Variants in FRMPD4 observed in about 807,000 individuals in gnomAD.
FRMPD4 encodes the protein FERM and PDZ domain-containing protein 4.
Under a neutral mutation model 94.1 loss-of-function variants are expected in FRMPD4, and 22 were observed. The observed-to-expected ratio is 0.23, with a 90% CI of 0.17 to 0.33. The LOEUF is 0.33. FRMPD4 is among the 10% of genes least tolerant of loss of function. The probability of loss-of-function intolerance (pLI) is 1.00; values close to 1 mark genes in which losing one functional copy is unlikely to be tolerated. For synonymous variants in FRMPD4, 631 were observed against 548.6 expected, an observed-to-expected ratio of 1.15 and a Z score of -2.10; for missense variants, 1,111 against 1,339.9, an observed-to-expected ratio of 0.83 and a Z score of 2.67.
intron 3 of FRMPD4, among the ~76,000 whole-genome samples, chrX:11,888,084 A>G (rs894038832): frequency 8.9e-6 from 1 of 112,397 alleles, no homozygotes; most frequent in African/African-American, 3.2e-5. Context: ...TTAACCATTG[A>G]ACTCATTTTA....
At chrX:12,141,431 C>T (rs1400083159) in intron 1 of FRMPD4, among the ~76,000 whole-genome samples, 1 of 111,989 alleles carries the variant, frequency 8.9e-6, no homozygotes, top group Non-Finnish European at 1.9e-5. Flanking sequence ...ACAGAGAATT[C>T]CAAGAGAATA....
chrX:12,702,314 T>C (rs2041800596), intron 10 of FRMPD4, among the ~76,000 whole-genome samples: 1 of 112,456 alleles, frequency 8.9e-6, no homozygotes, highest in Non-Finnish European at 1.9e-5. Context: ...ATTTGTTTAA[T>C]TCTCACAACA....
chrX:12,597,887 T>C (rs989583494), intron 2 of FRMPD4, among the ~76,000 whole-genome samples: 2 of 112,403 alleles, frequency 1.8e-5, no homozygotes, highest in African/African-American at 6.5e-5. Context: ...ACAAAGAGAA[T>C]GTCTCAGTTG....
At chrX:12,329,055 T>G (rs1232742096) in intron 1 of FRMPD4, among the ~76,000 whole-genome samples, 1 of 112,578 alleles carries the variant, frequency 8.9e-6, no homozygotes. Context: ...AAATTGTCCA[T>G]TTTTGTGCTT....
At chrX:12,117,998 C>T (rs1314358803) in intron 3 of FRMPD4, among the ~76,000 whole-genome samples, 1 of 111,276 alleles carries the variant, frequency 9.0e-6, no homozygotes, top group East Asian at 2.8e-4. Flanking sequence ...TTCATCTGGG[C>T]AAATTCTTTT....
intron 1 of FRMPD4, among the ~76,000 whole-genome samples, chrX:12,238,130 T>G (rs1427952320): frequency 9.0e-6 from 1 of 111,294 alleles, no homozygotes; most frequent in Non-Finnish European, 1.9e-5. Flanking sequence ...ACTTATTTAT[T>G]TATTTATTGT....
intron 3 of FRMPD4, among the ~76,000 whole-genome samples, chrX:12,047,917 T>G (rs1278446068): frequency 8.9e-6 from 1 of 112,895 alleles, no homozygotes; most frequent in Admixed American, 9.4e-5. Flanking sequence ...GCACCTAGGT[T>G]GATTCTATGT....
At chrX:11,976,791 G>C (rs1248854385) in intron 3 of FRMPD4, among the ~76,000 whole-genome samples, 1 of 111,914 alleles carries the variant, frequency 8.9e-6, no homozygotes, top group Non-Finnish European at 1.9e-5. Context: ...TGCTCAAAAA[G>C]AGCCCCCAAA....
chrX:12,424,254 CA>C (rs1270645076), intron 1 of FRMPD4, among the ~76,000 whole-genome samples: 2 of 112,336 alleles, frequency 1.8e-5, no homozygotes, highest in Non-Finnish European at 3.8e-5. Flanking sequence ...CAGCTAAAGA[CA>C]CCCTTCCTTT....
At chrX:12,307,623 G>A (rs960460238) in intron 1 of FRMPD4, among the ~76,000 whole-genome samples, 1 of 111,792 alleles carries the variant, frequency 8.9e-6, no homozygotes, top group African/African-American at 3.3e-5. Flanking sequence ...TGAGGTGCTG[G>A]AAATAGTCTG....
At chrX:12,697,495 A>G (rs1324986768) in intron 9 of FRMPD4, among the ~76,000 whole-genome samples, 1 of 112,344 alleles carries the variant, frequency 8.9e-6, no homozygotes, top group East Asian at 2.8e-4. Context: ...CTTTAAAACT[A>G]TTTTACTCTG....
intron 1 of FRMPD4, among the ~76,000 whole-genome samples, chrX:12,281,057 C>G (rs1327875472): frequency 8.9e-6 from 1 of 112,243 alleles, no homozygotes; most frequent in African/African-American, 3.2e-5. Flanking sequence ...AAACCCCAAG[C>G]ATTACTGTGG....
chrX:12,643,872 C>G (rs2059522654), intron 4 of FRMPD4, among the ~76,000 whole-genome samples: 1 of 112,085 alleles, frequency 8.9e-6, no homozygotes, highest in Non-Finnish European at 1.9e-5. Context: ...TTGGAATCAT[C>G]ACATGAGTTT....
intron 5 of FRMPD4, among the ~76,000 whole-genome samples, chrX:12,678,787 T>C (rs62590620): frequency 0.24 from 26,589 of 111,359 alleles, 2,918 homozygotes; most frequent in Middle Eastern, 0.43. Flanking sequence ...ATTGCACCAT[T>C]GCACTCCACC....
intron 2 of FRMPD4, among the ~76,000 whole-genome samples, chrX:12,564,138 ATG>A (rs1278997590): frequency 9.0e-6 from 1 of 111,544 alleles, no homozygotes; most frequent in African/African-American, 3.3e-5. Flanking sequence ...GTCTCTTCTT[ATG>A]TGGGCACTAA....
chrX:11,953,817 G>A (rs1472154434), intron 3 of FRMPD4, among the ~76,000 whole-genome samples: 2 of 111,942 alleles, frequency 1.8e-5, no homozygotes, highest in African/African-American at 6.5e-5. Flanking sequence ...ATCCAGATTA[G>A]TCAGGGGTTT....
intron 2 of FRMPD4, among the ~76,000 whole-genome samples, chrX:12,582,188 G>A (rs750853248): frequency 2.6e-4 from 29 of 112,439 alleles, no homozygotes; most frequent in African/African-American, 8.4e-4. Context: ...TAATTGCCAT[G>A]CTTTCACTAT....
chrX:12,545,348 A>G (rs1403202836), intron 2 of FRMPD4, among the ~76,000 whole-genome samples: 1 of 111,548 alleles, frequency 9.0e-6, no homozygotes, highest in African/African-American at 3.3e-5. Flanking sequence ...CAAGGGAGCC[A>G]AACGACTAGA....
At chrX:12,040,730 A>G (rs942639173) in intron 3 of FRMPD4, among the ~76,000 whole-genome samples, 2 of 107,073 alleles carry the variant, frequency 1.9e-5, no homozygotes, top group Non-Finnish European at 3.9e-5. Flanking sequence ...GGGGTTTCAC[A>G]GTGTTCGCCA....
Sources: gnomAD v4.1 joint callset for allele counts (sites outside exome capture counted in the v4.1 genomes callset) on GRCh38, gnomAD v4.1.1 for gene constraint, MANE v1.5 for transcripts, NCBI Gene and HGNC (gene_info 2026-07-23, HGNC 2026-07-21) for gene names.